Variants in STX8 observed in about 807,000 individuals in gnomAD.
STX8 encodes syntaxin-8.
STX8 carries 23 observed loss-of-function variants against 37.5 expected under a neutral mutation model. That is an observed-to-expected ratio of 0.61 (90% CI 0.44 to 0.87). The LOEUF is 0.87. Among genes scored for constraint, STX8 ranks in the 40% least tolerant of loss-of-function variants. The pLI, the probability that STX8 is intolerant of heterozygous loss-of-function variation, is 0.00. For synonymous variants in STX8, 115 were observed against 99.1 expected (o/e 1.16, Z -0.95); for missense variants, 313 against 284.7 (o/e 1.10, Z -0.71).
At chr17:9,468,356 C>T (rs1187636291) in intron 6 of STX8, among the ~76,000 whole-genome samples, 5 of 152,074 alleles carry the variant, frequency 3.3e-5, no homozygotes, top group Non-Finnish European at 7.4e-5. Flanking sequence ...GTGATCCAGC[C>T]GCCTCGACCT....
intron 7 of STX8, among the ~76,000 whole-genome samples, chr17:9,269,112 G>A (rs192553742): frequency 6.6e-5 from 10 of 152,022 alleles, no homozygotes; most frequent in African/African-American, 1.7e-4. Flanking sequence ...GCGTGAACCC[G>A]GGAGGCAGAG....
chr17:9,546,118 T>G (rs1286379337), intron 3 of STX8, among the ~76,000 whole-genome samples: 2 of 152,228 alleles, frequency 1.3e-5, no homozygotes, highest in Non-Finnish European at 2.9e-5. Flanking sequence ...AAGTGCTACT[T>G]TATGCAACAG....
intron 6 of STX8, among the ~76,000 whole-genome samples, chr17:9,481,338 A>G (rs1416314199): frequency 6.6e-6 from 1 of 152,230 alleles, no homozygotes. Flanking sequence ...AAAGAGTAAC[A>G]GGAACTCCTT....
At chr17:9,397,524 A>G (rs1054295104) in intron 6 of STX8, among the ~76,000 whole-genome samples, 4 of 152,228 alleles carry the variant, frequency 2.6e-5, no homozygotes, top group African/African-American at 9.6e-5. Context: ...CCATGTGGTG[A>G]TGGATTTGAG....
At chr17:9,376,555 T>C (rs987609537) in intron 7 of STX8, among the ~76,000 whole-genome samples, 4 of 152,250 alleles carry the variant, frequency 2.6e-5, no homozygotes, top group African/African-American at 9.6e-5. Context: ...GCAGCAACCC[T>C]GACCCGCTCG....
intron 7 of STX8, among the ~76,000 whole-genome samples, chr17:9,323,460 A>G (rs1191160997): frequency 6.6e-6 from 1 of 152,194 alleles, no homozygotes; most frequent in Non-Finnish European, 1.5e-5. Flanking sequence ...TATTCTTAAA[A>G]CATGTCTTTA....
intron 4 of STX8, among the ~76,000 whole-genome samples, chr17:9,539,745 T>C (rs1308708599): frequency 7.0e-6 from 1 of 142,078 alleles, no homozygotes; most frequent in African/African-American, 2.7e-5. Context: ...CAAACGAAAA[T>C]GTTGGAGGAG....
intron 6 of STX8, among the ~76,000 whole-genome samples, chr17:9,455,217 A>G (rs1481541041): frequency 6.6e-6 from 1 of 151,620 alleles, no homozygotes; most frequent in Non-Finnish European, 1.5e-5. Context: ...AAACAAAACA[A>G]GGCTGGGTGC....
At chr17:9,274,364 T>C (rs1907580417) in intron 7 of STX8, among the ~76,000 whole-genome samples, 1 of 152,060 alleles carries the variant, frequency 6.6e-6, no homozygotes, top group Non-Finnish European at 1.5e-5. Flanking sequence ...TATAGACATT[T>C]GTTTAAACAA....
intron 7 of STX8, among the ~76,000 whole-genome samples, chr17:9,265,123 GAA>G (rs61526336): frequency 3.7e-4 from 27 of 72,538 alleles, no homozygotes; most frequent in African/African-American, 1.0e-3. Flanking sequence ...AGTCTGAAAA[GAA>G]AAAAAAAAAA....
intron 7 of STX8, among the ~76,000 whole-genome samples, chr17:9,358,989 G>A (rs1855676284): frequency 6.6e-6 from 1 of 152,128 alleles, no homozygotes; most frequent in African/African-American, 2.4e-5. Context: ...AGTGCTACAG[G>A]GAAACCTGGG....
intron 6 of STX8, among the ~76,000 whole-genome samples, chr17:9,400,106 A>AT (rs368851654): frequency 0.27 from 37,837 of 137,912 alleles, 5,935 homozygotes; most frequent in East Asian, 0.64. Context: ...TGTTGTTATT[A>AT]TTTTTTTTTT....
intron 7 of STX8, among the ~76,000 whole-genome samples, chr17:9,320,162 G>A (rs554537638): frequency 2.6e-4 from 40 of 151,770 alleles, no homozygotes; most frequent in African/African-American, 9.7e-4. Context: ...GTGAAATCCC[G>A]TCTCTACTAA....
intron 6 of STX8, among the ~76,000 whole-genome samples, chr17:9,468,162 T>A (rs1193518184): frequency 6.6e-6 from 1 of 152,142 alleles, no homozygotes; most frequent in African/African-American, 2.4e-5. Context: ...CAGGCTGGAG[T>A]GCAGTGGCAC....
intron 6 of STX8, among the ~76,000 whole-genome samples, chr17:9,440,788 G>C (rs547553773): frequency 4.6e-5 from 7 of 152,200 alleles, no homozygotes; most frequent in African/African-American, 1.2e-4. Flanking sequence ...GCCTCCCAAA[G>C]TGCTGGGATT....
intron 6 of STX8, among the ~76,000 whole-genome samples, chr17:9,479,451 TTGAACCC>T (rs1313002524): frequency 7.9e-5 from 12 of 151,570 alleles, no homozygotes; most frequent in Non-Finnish European, 1.6e-4. Flanking sequence ...GGAGAATCGC[TTGAACCC>T]AGGAAGCAGA....
At chr17:9,433,344 G>A (rs1914042192) in intron 6 of STX8, among the ~76,000 whole-genome samples, 1 of 152,212 alleles carries the variant, frequency 6.6e-6, no homozygotes, top group Non-Finnish European at 1.5e-5. Flanking sequence ...CCACTTCATA[G>A]CTTTGTCGTG....
chr17:9,262,996 A>C (rs1907100343), intron 7 of STX8, among the ~76,000 whole-genome samples: 1 of 152,216 alleles, frequency 6.6e-6, no homozygotes, highest in South Asian at 2.1e-4. Context: ...AAAAACATAA[A>C]AGTCATATTA....
At chr17:9,273,645 T>C (rs572714720) in intron 7 of STX8, among the ~76,000 whole-genome samples, 10 of 152,388 alleles carry the variant, frequency 6.6e-5, no homozygotes, top group South Asian at 4.1e-4. Context: ...TGTCTGACTT[T>C]GTCTTCGCAA....
Sources: gnomAD v4.1 joint callset for allele counts (sites outside exome capture counted in the v4.1 genomes callset) on GRCh38, gnomAD v4.1.1 for gene constraint, MANE v1.5 for transcripts, NCBI Gene and HGNC (gene_info 2026-07-23, HGNC 2026-07-21) for gene names.